GDA: variants seen among roughly 807,000 people sequenced by gnomAD.
GDA encodes guanine deaminase, also known as cytoplasmic PSD-95 interactor.
GDA carries 18 observed loss-of-function variants against 59.6 expected under a neutral mutation model. The observed-to-expected ratio is 0.30, with a 90% CI of 0.21 to 0.45. GDA has a LOEUF of 0.45. Ranked by LOEUF, GDA falls within the 20% of genes least tolerant of loss-of-function variation. The pLI, the probability that GDA is intolerant of heterozygous loss-of-function variation, is 1.00. For synonymous variants in GDA, 201 were observed against 201.1 expected (o/e 1.00, Z 0.00); for missense variants, 427 against 552.3 (o/e 0.77, Z 2.27).
intron 1 of GDA, among the ~76,000 whole-genome samples, chr9:72,159,996 C>T (rs943940006): frequency 2.0e-5 from 3 of 152,092 alleles, no homozygotes; most frequent in African/African-American, 2.4e-5. Flanking sequence ...TGACCATGAT[C>T]TAGTTCAAGA....
At chr9:72,145,700 C>T (rs982701982), upstream of GDA, among the ~76,000 whole-genome samples, 1 of 152,230 alleles carries the variant, frequency 6.6e-6, no homozygotes, top group African/African-American at 2.4e-5. Context: ...CTACTTGGCT[C>T]CATCTGAAAT....
chr9:72,160,475 C>T (rs1382366216), intron 1 of GDA, among the ~76,000 whole-genome samples: 2 of 152,198 alleles, frequency 1.3e-5, no homozygotes, highest in Non-Finnish European at 2.9e-5. Context: ...TAGATGGACA[C>T]ATATAATACA....
chr9:72,227,749 A>G (rs1185624460), intron 8 of GDA, among the ~76,000 whole-genome samples, 194 bp from the exon 9 acceptor site: 1 of 152,208 alleles, frequency 6.6e-6, no homozygotes, highest in Non-Finnish European at 1.5e-5. Flanking sequence ...TTCGTAAGAC[A>G]ATGTGTTTAC....
intron 1 of GDA, among the ~76,000 whole-genome samples, chr9:72,133,662 T>A (rs565255770): frequency 1.3e-5 from 2 of 152,340 alleles, no homozygotes; most frequent in South Asian, 4.1e-4. Context: ...TCACTCTGGT[T>A]ACAATGTAAG....
At chr9:72,115,333 G>A (rs1825399985) in intron 1 of GDA, among the ~76,000 whole-genome samples, 1 of 152,146 alleles carries the variant, frequency 6.6e-6, no homozygotes, top group African/African-American at 2.4e-5. Flanking sequence ...CTTTTCTGTG[G>A]TGCACAGGTT....
intron 1 of GDA, among the ~76,000 whole-genome samples, chr9:72,186,619 A>G (rs1381964549): frequency 6.6e-6 from 1 of 152,198 alleles, no homozygotes; most frequent in Non-Finnish European, 1.5e-5. Context: ...GTACTTTCTG[A>G]GTGAAAACAT....
intron 1 of GDA, among the ~76,000 whole-genome samples, chr9:72,115,069 C>G (rs1173560272): frequency 6.6e-6 from 1 of 152,150 alleles, no homozygotes; most frequent in Non-Finnish European, 1.5e-5. Flanking sequence ...CCGGGAGGAG[C>G]AGGGGATAAA....
intron 1 of GDA, among the ~76,000 whole-genome samples, chr9:72,175,232 T>A (rs1332020798): frequency 6.6e-6 from 1 of 152,184 alleles, no homozygotes; most frequent in Non-Finnish European, 1.5e-5. Flanking sequence ...AGTGGTATGA[T>A]CATAGCTCAC....
At position 72,192,223 on chromosome 9, in the gene GDA, CTTTTTTTTT is replaced by C. The variant is rs869237933; in HGVS notation, c.124-3257_124-3249del. ...CTCTGACTGTGTATTTTCAAATAGC[CTTTTTTTTT>C]TTTTTTTTTTTTTTTTTTTGAGAAC... On this transcript the variant is annotated intron_variant, in intron 1 of 13. Transcript: ENST00000358399. Among the ~76,000 whole-genome samples, 10 of 46,232 alleles carry C rather than the reference CTTTTTTTTT, an allele frequency of 2.2e-4. 1 individual carries two copies. Among genetic ancestry groups the C allele is most frequent in the Admixed American group, 3.4e-4 (1 of 2,920 alleles). 30.3% of individuals were successfully genotyped at this position (46,232 alleles called of 152,430 possible).
intron 1 of GDA, among the ~76,000 whole-genome samples, chr9:72,123,031 C>T (rs373087894): frequency 3.3e-5 from 5 of 152,258 alleles, no homozygotes; most frequent in Admixed American, 1.3e-4. Flanking sequence ...GGCACCTTCT[C>T]GATCTCACCA....
chr9:72,248,687 C>T lies in GDA; in HGVS notation c.*345C>T, dbSNP rs1454796429. 1 of 1,026,098 alleles carries T rather than the reference C, an allele frequency of 9.7e-7. No individual in the cohort carries two copies. The highest frequency in any genetic ancestry group is 1.2e-6 in the Non-Finnish European group (1 of 855,038). The allele number at this position is 1,026,098 out of a possible 1,614,324, so 63.6% of individuals were successfully genotyped here. A position where few individuals can be genotyped will look rare whatever the true frequency, so the allele number is the denominator to read the frequency against. On this transcript the variant is annotated 3_prime_UTR_variant, in exon 14 of 14. Coordinates refer to ENST00000358399, the MANE Select transcript of GDA (RefSeq NM_004293.5). ...TGAAAATGTGGAAAGAAAAGATGTTCCTAAAAGGTTAGATATTTTGAGCTA... is the reference window on the plus strand; with the variant it reads ...TGAAAATGTGGAAAGAAAAGATGTTTCTAAAAGGTTAGATATTTTGAGCTA...
intron 1 of GDA, among the ~76,000 whole-genome samples, chr9:72,173,278 C>A (rs1830181665): frequency 6.6e-6 from 1 of 152,046 alleles, no homozygotes; most frequent in African/African-American, 2.4e-5. Context: ...AATGCAGCAT[C>A]TTGCGTAAGT....
At position 72,250,317 on chromosome 9, in the gene GDA, T is replaced by C. The variant is rs1328308666; in HGVS notation, c.*1975T>C. ...TTACCTTCTTTAAGGGTGTACATTT[T>C]GATGTTGAACATCAGTTTTCATGTA... is the stretch of plus-strand genomic sequence containing the variant. On this transcript the variant is annotated 3_prime_UTR_variant, in exon 14 of 14. Transcript: ENST00000358399. 1 of 1,032,878 alleles carries C rather than the reference T, an allele frequency of 9.7e-7. No homozygotes were observed. The highest frequency in any genetic ancestry group is 1.2e-6 in the Non-Finnish European group (1 of 860,542). 64.0% of individuals were successfully genotyped at this position (1,032,878 alleles called of 1,614,324 possible).
chr9:72,227,034 C>T (rs541351381), intron 8 of GDA, among the ~76,000 whole-genome samples: 3 of 152,210 alleles, frequency 2.0e-5, no homozygotes, highest in East Asian at 1.9e-4. Context: ...AGGAGAATGG[C>T]GTGAACCCAG....
At chr9:72,190,204 T>C (rs1401176362) in intron 1 of GDA, among the ~76,000 whole-genome samples, 1 of 152,230 alleles carries the variant, frequency 6.6e-6, no homozygotes, top group Non-Finnish European at 1.5e-5. Context: ...CTTGGCTCAC[T>C]GCAACCTCCG....
At chr9:72,165,559 G>A (rs1012621739) in intron 1 of GDA, among the ~76,000 whole-genome samples, 1 of 152,038 alleles carries the variant, frequency 6.6e-6, no homozygotes, top group South Asian at 2.1e-4. Flanking sequence ...TGGTATGTGA[G>A]GTATGTGTAG....
intron 5 of GDA, 99 bp from the exon 6 acceptor site, chr9:72,219,380 G>A: frequency 6.0e-6 from 5 of 834,390 alleles, no homozygotes; most frequent in Non-Finnish European, 9.5e-6. Context: ...TCCAGCCTGG[G>A]CGACAGAGCC....
intron 1 of GDA, among the ~76,000 whole-genome samples, chr9:72,170,572 G>A (rs1040329403): frequency 5.3e-5 from 8 of 152,142 alleles, no homozygotes; most frequent in African/African-American, 1.4e-4. Context: ...TCCCTCATTC[G>A]TAAAATGGAT....
intron 1 of GDA, among the ~76,000 whole-genome samples, chr9:72,175,499 A>G (rs1830444191): frequency 6.6e-6 from 1 of 152,230 alleles, no homozygotes; most frequent in African/African-American, 2.4e-5. Context: ...AGAAACACAA[A>G]TGAGATGTGA....
Sources: gnomAD v4.1 joint callset for allele counts (sites outside exome capture counted in the v4.1 genomes callset) on GRCh38, gnomAD v4.1.1 for gene constraint, MANE v1.5 for transcripts, NCBI Gene and HGNC (gene_info 2026-07-23, HGNC 2026-07-21) for gene names.